The following ARHGEF3 variants were observed in gnomAD, a reference collection of about 807,000 sequenced individuals.
The protein encoded by ARHGEF3 is Rho guanine nucleotide exchange factor 3, also known as 59.8 kDA protein.
In ARHGEF3, 28 loss-of-function variants were observed where a neutral mutation model predicts 63.2. The observed-to-expected ratio is 0.44, with a 90% CI of 0.33 to 0.61. The LOEUF is 0.61. Among genes scored for constraint, ARHGEF3 ranks in the 20% least tolerant of loss-of-function variants. The pLI, the probability that ARHGEF3 is intolerant of heterozygous loss-of-function variation, is 0.03. For synonymous variants in ARHGEF3, 266 were observed against 254.2 expected, an observed-to-expected ratio of 1.05 and a Z score of -0.44; for missense variants, 533 against 659.3, an observed-to-expected ratio of 0.81 and a Z score of 2.10.
At chr3:56,984,286 T>A (rs1461789751) in intron 2 of ARHGEF3, among the ~76,000 whole-genome samples, 1 of 152,186 alleles carries the variant, frequency 6.6e-6, no homozygotes, top group African/African-American at 2.4e-5. Flanking sequence ...TATATAGCAG[T>A]AACTCCCCAA....
At chr3:56,760,179 G>A (rs773909018) in intron 2 of ARHGEF3, among the ~76,000 whole-genome samples, 1 of 152,160 alleles carries the variant, frequency 6.6e-6, no homozygotes, top group Non-Finnish European at 1.5e-5. Context: ...ACATTTTAAT[G>A]TTTGAGATGT....
intron 4 of ARHGEF3, among the ~76,000 whole-genome samples, chr3:56,843,985 T>C (rs2108119374): frequency 6.6e-6 from 1 of 152,270 alleles, no homozygotes; most frequent in South Asian, 2.1e-4. Context: ...TAAACATCCA[T>C]GAATCTCAGA....
chr3:56,739,421 G>A (rs1173902834), intron 7 of ARHGEF3, among the ~76,000 whole-genome samples: 1 of 133,572 alleles, frequency 7.5e-6, no homozygotes, highest in African/African-American at 2.9e-5. Flanking sequence ...TTTCAGTTGA[G>A]ACAGGGTCTC....
At chr3:56,773,866 G>T (rs372341466) in intron 1 of ARHGEF3, 50 bp from the exon 2 acceptor site, 15 of 1,439,480 alleles carry the variant, frequency 1.0e-5, no homozygotes, top group East Asian at 9.3e-5. Flanking sequence ...CAATTGCAAA[G>T]ACAACATAAC....
intron 3 of ARHGEF3, among the ~76,000 whole-genome samples, chr3:56,947,117 C>A (rs935093648): frequency 6.6e-6 from 1 of 152,122 alleles, no homozygotes; most frequent in Non-Finnish European, 1.5e-5. Context: ...TAAAACAGCT[C>A]CTGAAGGAAG....
chr3:56,854,771 G>A (rs1417509307), intron 4 of ARHGEF3, among the ~76,000 whole-genome samples: 1 of 139,558 alleles, frequency 7.2e-6, no homozygotes, highest in African/African-American at 2.6e-5. Context: ...ACCTAGAGGG[G>A]TGGGGGGGTT....
chr3:56,768,751 A>G (rs2035852650), intron 2 of ARHGEF3, among the ~76,000 whole-genome samples: 1 of 152,224 alleles, frequency 6.6e-6, no homozygotes, highest in African/African-American at 2.4e-5. Context: ...TTTAATCCTA[A>G]TAAAAGGTGC....
chr3:56,860,729 C>G (rs968702859), intron 4 of ARHGEF3, among the ~76,000 whole-genome samples: 2 of 151,982 alleles, frequency 1.3e-5, no homozygotes, highest in African/African-American at 4.8e-5. Flanking sequence ...GTTTAGAGAC[C>G]CCATGGAAGC....
intron 2 of ARHGEF3, among the ~76,000 whole-genome samples, chr3:56,999,712 G>A (rs1228085406): frequency 6.6e-6 from 1 of 152,120 alleles, no homozygotes; most frequent in Non-Finnish European, 1.5e-5. Context: ...CAGCAGGATT[G>A]CTTGAGTCCA....
intron 4 of ARHGEF3, among the ~76,000 whole-genome samples, chr3:56,865,421 T>C (rs775213071): frequency 3.3e-5 from 5 of 152,224 alleles, no homozygotes; most frequent in Non-Finnish European, 7.3e-5. Flanking sequence ...TTCTTTTCTA[T>C]GTGAAGGCAA....
chr3:57,034,656 CTTTTT>C (rs34696155), intron 2 of ARHGEF3, among the ~76,000 whole-genome samples: 3 of 109,502 alleles, frequency 2.7e-5, no homozygotes, highest in African/African-American at 1.1e-4. Flanking sequence ...ACTCCAAATT[CTTTTT>C]TTTTTTTTTT....
In ARHGEF3 at chr3:56,728,748, T is replaced by G. The variant is rs2032896219; in HGVS notation, c.*522A>C. The stretch of plus-strand genomic sequence containing the variant: ...GAATCCCCAGGGATGTTTTCAAGCT[T>G]TCTAGTTGAGTAAGATCAAACCAAG... On this transcript the variant is annotated 3_prime_UTR_variant, in exon 10 of 10. Transcript: ENST00000296315. The G allele has an allele frequency of 6.5e-6, 1 of 153,560 alleles. No homozygotes were observed. Among genetic ancestry groups the G allele is most frequent in the Admixed American group, 6.4e-5 (1 of 15,526 alleles). The allele number at this position is 153,560 out of a possible 1,614,324, so 9.5% of individuals were successfully genotyped here.
chr3:56,751,023 T>A, intron 6 of ARHGEF3, 33 bp downstream of exon 6: 2 of 1,536,636 alleles, frequency 1.3e-6, no homozygotes, highest in Non-Finnish European at 1.8e-6. Context: ...TTATTGAAAT[T>A]TATCTTCAAT....
At chr3:56,871,039 C>T (rs1347982147) in intron 4 of ARHGEF3, among the ~76,000 whole-genome samples, 1 of 152,058 alleles carries the variant, frequency 6.6e-6, no homozygotes, top group African/African-American at 2.4e-5. Flanking sequence ...ATCTATCTAA[C>T]TCTATCTAAA....
At chr3:56,871,666 T>C (rs1346994637) in intron 4 of ARHGEF3, among the ~76,000 whole-genome samples, 1 of 152,214 alleles carries the variant, frequency 6.6e-6, no homozygotes, top group Non-Finnish European at 1.5e-5. Flanking sequence ...TCTATTATTC[T>C]TATATTTTTT....
At chr3:56,766,771 T>C (rs2035726460) in intron 2 of ARHGEF3, among the ~76,000 whole-genome samples, 1 of 152,208 alleles carries the variant, frequency 6.6e-6, no homozygotes, top group Non-Finnish European at 1.5e-5. Flanking sequence ...TATCCAAAAC[T>C]GACACACATC....
rs1409874620 is a variant in ARHGEF3, at chr3:56,801,917, G to A, written c.-119C>T. ...GGGCGGCGGCGGCGACACGGAGACC[G>A]ACAGCCGGCTTCTAGCCGGGCAGGA... On this transcript the variant is annotated 5_prime_UTR_variant, in exon 1 of 10. Coordinates refer to ENST00000296315, the MANE Select transcript of ARHGEF3 (RefSeq NM_019555.3). The A allele has an allele frequency of 2.0e-6, 3 of 1,522,128 alleles. No homozygotes were observed. The highest frequency in any genetic ancestry group is 2.6e-5 in the East Asian group (1 of 39,204). The allele number at this position is 1,522,128 out of a possible 1,614,324, so 94.3% of individuals were successfully genotyped here.
intron 2 of ARHGEF3, among the ~76,000 whole-genome samples, chr3:56,761,828 G>A (rs910455003): frequency 3.9e-5 from 6 of 152,084 alleles, no homozygotes; most frequent in Admixed American, 6.5e-5. Context: ...ATCCAAGTCT[G>A]GTCTATTTCA....
At position 56,761,011 on chromosome 3, in the gene ARHGEF3, C is replaced by A. The variant is rs111648074; in HGVS notation, c.205-5860G>T. ...ATTTGTCCAGGTGAGGTTACTGACA[C>A]CTGTAAGTCTAGCAATTTGACAGGC... On this transcript the variant is annotated intron_variant, in intron 2 of 9. Transcript: ENST00000296315. Among the ~76,000 whole-genome samples, 153 of 152,230 alleles carry A rather than the reference C, an allele frequency of 1.0e-3. 1 individual carries two copies. The highest frequency in any genetic ancestry group is 3.5e-3 in the African/African-American group (147 of 41,538).
Sources: gnomAD v4.1 joint callset for allele counts (sites outside exome capture counted in the v4.1 genomes callset) on GRCh38, gnomAD v4.1.1 for gene constraint, MANE v1.5 for transcripts, NCBI Gene and HGNC (gene_info 2026-07-23, HGNC 2026-07-21) for gene names.